Variants in ECI2 observed in about 807,000 individuals in gnomAD.
The protein encoded by ECI2 is D3,D2-enoyl-CoA isomerase.
Under a neutral mutation model 38.4 loss-of-function variants are expected in ECI2, and 27 were observed. That is an observed-to-expected ratio of 0.70 (90% CI 0.52 to 0.97). The LOEUF is 0.97. Ranked by LOEUF, ECI2 falls within the 50% of genes least tolerant of loss-of-function variation. The pLI is 0.00. For synonymous variants in ECI2, 168 were observed against 172.0 expected (o/e 0.98, Z 0.18); for missense variants, 470 against 474.4 (o/e 0.99, Z 0.09).
At chr6:4,125,399 A>T in intron 6 of ECI2, 29 bp from the exon 7 acceptor site, 4 of 1,613,222 alleles carry the variant, frequency 2.5e-6, no homozygotes, top group Non-Finnish European at 3.4e-6. Context: ...AAAATCATTA[A>T]ATGTGCCAAA....
chr6:4,122,374 C>A (rs1244830328), intron 7 of ECI2, among the ~76,000 whole-genome samples: 1 of 152,112 alleles, frequency 6.6e-6, no homozygotes. Flanking sequence ...GCGTGCACCA[C>A]CACACCCAGC....
At chr6:4,119,048 T>TAA (rs201296492) in intron 8 of ECI2, 138 bp downstream of exon 8, 20 of 709,074 alleles carry the variant, frequency 2.8e-5, no homozygotes, top group Non-Finnish European at 4.0e-5. Context: ...GTAAAACTCT[T>TAA]AAAGAGTTGA....
At chr6:4,130,591 C>G in intron 3 of ECI2, 31 bp from the exon 4 acceptor site, 1 of 1,614,072 alleles carries the variant, frequency 6.2e-7, no homozygotes, top group Non-Finnish European at 8.5e-7. Flanking sequence ...AACCTCAGCC[C>G]ATGGTCAATG....
Position 4,127,829 on chromosome 6 carries a change from CATCTGTGTA to C in ECI2, c.502-7_503del. ...TAAGTGCACGCATAATTTCATGATA[CATCTGTGTA>C]ATGGGAAGACAAGGAAAAGAAAAGA... On this transcript the variant is annotated splice_acceptor_variant and splice_polypyrimidine_tract_variant and coding_sequence_variant and intron_variant, in exon 5 of 10. Transcript: ENST00000380118. LOFTEE classifies it high-confidence loss of function. The C allele has an allele frequency of 1.2e-6, 2 of 1,612,014 alleles. No homozygotes were observed. Among genetic ancestry groups the C allele is most frequent in the Non-Finnish European group, 1.7e-6 (2 of 1,179,120 alleles).
chr6:4,125,780 C>G (rs1200264594), intron 6 of ECI2: 1 of 423,056 alleles, frequency 2.4e-6, no homozygotes, highest in Non-Finnish European at 4.4e-6. Flanking sequence ...TTACAAGACT[C>G]CTCCGAGTCT....
chr6:4,133,396 G>T (rs1032089227), intron 2 of ECI2, among the ~76,000 whole-genome samples, 153 bp downstream of exon 2: 1 of 151,700 alleles, frequency 6.6e-6, no homozygotes, highest in Non-Finnish European at 1.5e-5. Flanking sequence ...TAAAAAACTG[G>T]CATATATATA....
Position 4,119,293 on chromosome 6 carries a change from A to T in ECI2, c.796-18T>A. 6.4e-7 allele frequency: 1 copy of T among 1,559,822 alleles called. No individual in the cohort carries two copies. The highest frequency in any genetic ancestry group is 8.7e-7 in the Non-Finnish European group (1 of 1,148,058). ...AATGTTGCCTGCAGAGGCAGGAGAG[A>T]AAAGAAAACCATCTTTTCATGTGTG... On this transcript the variant is annotated intron_variant, in intron 7 of 9. Transcript: ENST00000380118.
At chr6:4,121,722 T>A (rs1039615373) in intron 7 of ECI2, among the ~76,000 whole-genome samples, 2 of 151,806 alleles carry the variant, frequency 1.3e-5, no homozygotes, top group Non-Finnish European at 2.9e-5. Flanking sequence ...TTAAGACATA[T>A]TTTTGTGTTT....
At chr6:4,121,805 C>A in intron 7 of ECI2, 1 of 353,778 alleles carries the variant, frequency 2.8e-6, no homozygotes. Context: ...GATTTCATTT[C>A]CTATAATCAG....
chr6:4,118,645 G>A lies in ECI2; in HGVS notation c.885+541C>T, dbSNP rs79805968. 912 of 152,688 alleles carry A rather than the reference G, an allele frequency of 6.0e-3. 5 individuals are homozygous for A. The highest frequency in any genetic ancestry group is 9.3e-3 in the Admixed American group (143 of 15,352). The allele number at this position is 152,688 out of a possible 1,614,324, so 9.5% of individuals were successfully genotyped here. A position where few individuals can be genotyped will look rare whatever the true frequency, so the allele number is the denominator to read the frequency against. On this transcript the variant is annotated intron_variant, in intron 8 of 9. Coordinates refer to ENST00000380118, the MANE Select transcript of ECI2 (RefSeq NM_206836.3). ...ACCTGAGCAGCCACTTAACCAGCCT[G>A]GGAGAGAATACACCCGTGAGCAGGC...
intron 2 of ECI2, 63 bp downstream of exon 2, chr6:4,133,485 TG>T: frequency 6.5e-7 from 1 of 1,537,006 alleles, no homozygotes; most frequent in Non-Finnish European, 8.8e-7. Flanking sequence ...AAACACACAG[TG>T]TATTTATTTA....
intron 1 of ECI2, chr6:4,135,295 G>A (rs562519220): frequency 9.4e-6 from 13 of 1,381,446 alleles, no homozygotes; most frequent in Middle Eastern, 3.7e-4. Context: ...CTGACCTCCC[G>A]ACGCGCCCAT....
chr6:4,132,973 A>G (rs1012851721), intron 2 of ECI2, among the ~76,000 whole-genome samples: 1 of 152,200 alleles, frequency 6.6e-6, no homozygotes, highest in African/African-American at 2.4e-5. Flanking sequence ...CATGTTGGCC[A>G]GGCTGGTCTC....
intron 7 of ECI2, chr6:4,122,072 GCATTTAAA>G (rs763651657): frequency 7.1e-7 from 1 of 1,405,634 alleles, no homozygotes; most frequent in South Asian, 1.2e-5. Context: ...CCAGTAAGCA[GCATTTAAA>G]ATGCTGATTT....
intron 8 of ECI2, 138 bp downstream of exon 8, chr6:4,119,048 T>TA (rs201296492): frequency 0.012 from 8,430 of 709,084 alleles, 87 homozygotes; most frequent in Non-Finnish European, 0.014. Flanking sequence ...GTAAAACTCT[T>TA]AAAGAGTTGA....
chr6:4,122,110 T>TG, intron 7 of ECI2: 1 of 1,043,832 alleles, frequency 9.6e-7, no homozygotes, highest in Non-Finnish European at 1.4e-6. Context: ...GAGCAGCAGG[T>TG]GGAGTTAAGG....
intron 9 of ECI2, among the ~76,000 whole-genome samples, chr6:4,117,043 G>C (rs1262494408): frequency 2.0e-5 from 3 of 152,038 alleles, no homozygotes; most frequent in Admixed American, 6.6e-5. Flanking sequence ...AGCAAATACT[G>C]CCTAGCATCC....
At position 4,119,981 on chromosome 6, in the gene ECI2, TTGTA is replaced by T. The variant is rs1232520128; in HGVS notation, c.796-710_796-707del. On this transcript the variant is annotated intron_variant, in intron 7 of 9. Coordinates refer to ENST00000380118, the MANE Select transcript of ECI2 (RefSeq NM_206836.3). ...CTGACTTCTGAGAGTCACCATGCTG[TTGTA>T]TGTATTAGTAGTTTGTTCCTCGCTA... is the stretch of plus-strand genomic sequence containing the variant. 2.0e-5 allele frequency among the ~76,000 whole-genome samples: 3 copies of T among 152,310 alleles called. 1 individual carries two copies. The highest frequency in any genetic ancestry group is 1.3e-4 in the Admixed American group (2 of 15,302).
At chr6:4,120,396 A>G (rs1053440475) in intron 7 of ECI2, among the ~76,000 whole-genome samples, 1 of 152,212 alleles carries the variant, frequency 6.6e-6, no homozygotes, top group African/African-American at 2.4e-5. Context: ...CTAGGCAGTT[A>G]TAACAAATGG....
Sources: gnomAD v4.1 joint callset for allele counts (sites outside exome capture counted in the v4.1 genomes callset) on GRCh38, gnomAD v4.1.1 for gene constraint, MANE v1.5 for transcripts, NCBI Gene and HGNC (gene_info 2026-07-23, HGNC 2026-07-21) for gene names.